The following LRMDA variants were observed in gnomAD, a reference collection of about 807,000 sequenced individuals.
LRMDA encodes leucine rich melanocyte differentiation associated, also known as leucine-rich melanocyte differentiation-associated protein.
Under a neutral mutation model 29.8 loss-of-function variants are expected in LRMDA, and 18 were observed. The observed-to-expected ratio is 0.60, with a 90% confidence interval of 0.42 to 0.90. The LOEUF (loss-of-function observed/expected upper bound fraction) is 0.90. Ranked by LOEUF, LRMDA falls within the 40% of genes least tolerant of loss-of-function variation. The pLI is 0.00. For synonymous variants in LRMDA, 125 were observed against 109.4 expected, an observed-to-expected ratio of 1.14 and a Z score of -0.89; for missense variants, 273 against 273.9, an observed-to-expected ratio of 1.00 and a Z score of 0.02.
intron 5 of LRMDA, among the ~76,000 whole-genome samples, chr10:76,216,566 A>G (rs1169941811): frequency 2.6e-5 from 4 of 151,974 alleles, no homozygotes; most frequent in African/African-American, 9.7e-5. Context: ...TTGTGAAGAG[A>G]TATTCCCAAC....
chr10:75,478,371 G>A (rs1216027017), intron 2 of LRMDA, among the ~76,000 whole-genome samples: 7 of 152,162 alleles, frequency 4.6e-5, no homozygotes, highest in Non-Finnish European at 1.0e-4. Context: ...GAAGACCCAA[G>A]TAGGCCATAT....
At chr10:75,888,031 G>C (rs911425453) in intron 2 of LRMDA, among the ~76,000 whole-genome samples, 2 of 152,166 alleles carry the variant, frequency 1.3e-5, no homozygotes, top group Admixed American at 6.5e-5. Context: ...CTATGTAAGA[G>C]CTCTTTAAAA....
intron 2 of LRMDA, among the ~76,000 whole-genome samples, chr10:75,601,087 C>A (rs186486548): frequency 1.1e-4 from 16 of 152,276 alleles, no homozygotes; most frequent in Admixed American, 9.2e-4. Context: ...TATTGAATGA[C>A]CTTTTGAGGA....
intron 2 of LRMDA, among the ~76,000 whole-genome samples, chr10:75,813,193 A>G (rs917690437): frequency 6.6e-6 from 1 of 152,204 alleles, no homozygotes; most frequent in African/African-American, 2.4e-5. Flanking sequence ...TGATCCAGAG[A>G]GAAGGTCTGC....
intron 2 of LRMDA, among the ~76,000 whole-genome samples, chr10:75,578,236 A>AAAAAAAAAAAAAAC (rs1840535737): frequency 6.7e-6 from 1 of 148,386 alleles, no homozygotes; most frequent in Non-Finnish European, 1.5e-5. Context: ...AAAAAAAAAA[A>AAAAAAAAAAAAAAC]AAAGCAGCAG....
intron 6 of LRMDA, among the ~76,000 whole-genome samples, chr10:76,408,687 T>C (rs780879548): frequency 6.6e-6 from 1 of 152,172 alleles, no homozygotes; most frequent in Non-Finnish European, 1.5e-5. Flanking sequence ...CTTTTTCATT[T>C]TCCCTTTTGT....
At chr10:76,520,398 C>G (rs1205277514) in intron 6 of LRMDA, among the ~76,000 whole-genome samples, 2 of 151,844 alleles carry the variant, frequency 1.3e-5, no homozygotes, top group Non-Finnish European at 2.9e-5. Context: ...TTAAAAATTA[C>G]AAACATTATC....
At chr10:75,432,873 G>A (rs1415629060) in intron 1 of LRMDA, among the ~76,000 whole-genome samples, 3 of 152,146 alleles carry the variant, frequency 2.0e-5, no homozygotes, top group African/African-American at 7.2e-5. Flanking sequence ...CCTACTGTAT[G>A]CCAGGCACCA....
chr10:76,308,848 G>T (rs542659095), intron 5 of LRMDA, among the ~76,000 whole-genome samples: 1 of 152,208 alleles, frequency 6.6e-6, no homozygotes, highest in Non-Finnish European at 1.5e-5. Flanking sequence ...GAAAGTCAGT[G>T]TGCGGCTTCT....
chr10:75,807,550 AACTTTT>A (rs1205591960), intron 2 of LRMDA, among the ~76,000 whole-genome samples: 2 of 152,198 alleles, frequency 1.3e-5, no homozygotes, highest in African/African-American at 2.4e-5. Flanking sequence ...ACATTCGACA[AACTTTT>A]ACTTTAAAGG....
chr10:76,144,483 G>A (rs1850271532), intron 5 of LRMDA, among the ~76,000 whole-genome samples: 1 of 151,916 alleles, frequency 6.6e-6, no homozygotes, highest in Non-Finnish European at 1.5e-5. Flanking sequence ...TCATGATTTG[G>A]CTCTCTGTTT....
At chr10:75,889,916 A>G (rs1845455167) in intron 2 of LRMDA, among the ~76,000 whole-genome samples, 1 of 152,246 alleles carries the variant, frequency 6.6e-6, no homozygotes, top group African/African-American at 2.4e-5. Flanking sequence ...TCAAAGAAGA[A>G]TAAGACTCTA....
Position 76,290,514 on chromosome 10 carries a change from C to G in LRMDA, c.517-33887C>G, listed in dbSNP as rs868040241. ...TTCAGCTCATTGTAACCTCTGCCTCCTGGGTTCAGGGGATTCTTGTGCCTC... is the reference window on the plus strand; with the variant it reads ...TTCAGCTCATTGTAACCTCTGCCTCGTGGGTTCAGGGGATTCTTGTGCCTC... On this transcript the variant is annotated intron_variant, in intron 5 of 6. Transcript: ENST00000611255. Among the ~76,000 whole-genome samples the G allele has an allele frequency of 2.2e-4, 32 of 148,276 alleles. 1 individual carries two copies. Among genetic ancestry groups the G allele is most frequent in the Middle Eastern group, 3.7e-3 (1 of 270 alleles).
intron 6 of LRMDA, among the ~76,000 whole-genome samples, chr10:76,346,816 C>G (rs11001741): frequency 1.3e-5 from 2 of 152,074 alleles, no homozygotes; most frequent in Non-Finnish European, 2.9e-5. Context: ...CTCCATGAGA[C>G]GCAAAACCAG....
rs1264869700 is a variant in LRMDA at position 75,828,409 on chromosome 10, G to T, written c.132-207599G>T. Among the ~76,000 whole-genome samples, 4 of 152,086 alleles carry T rather than the reference G, an allele frequency of 2.6e-5. No individual in the cohort carries two copies. The East Asian group carries it at 7.7e-4, about 29-fold the overall frequency. ...TTGTCTGCCAAAACTAGGAGGAAAA[G>T]AAAATATTAACAACCCTGAAAGCTC... On this transcript the variant is annotated intron_variant, in intron 2 of 6. Coordinates refer to ENST00000611255, the MANE Select transcript of LRMDA (RefSeq NM_001305581.2).
rs371953514 is a variant in LRMDA, at chr10:75,757,678, C to A, written c.132-278330C>A. Among the ~76,000 whole-genome samples the A allele has an allele frequency of 2.0e-5, 3 of 152,070 alleles. No homozygotes were observed. In the East Asian group the frequency reaches 5.8e-4, roughly 29 times the overall value. Reference sequence around the variant, plus strand: ...CTGAGTTAAGATGGTATGTACGGTACTTAGAACAGTGACTGAGACACAATA... The same window carrying A: ...CTGAGTTAAGATGGTATGTACGGTAATTAGAACAGTGACTGAGACACAATA... On this transcript the variant is annotated intron_variant, in intron 2 of 6. Transcript: ENST00000611255.
intron 5 of LRMDA, among the ~76,000 whole-genome samples, chr10:76,260,088 A>C (rs2132307524): frequency 6.6e-6 from 1 of 152,134 alleles, no homozygotes; most frequent in Middle Eastern, 3.4e-3. Context: ...CAAGGTTATT[A>C]CTGATAGGTG....
intron 2 of LRMDA, among the ~76,000 whole-genome samples, chr10:75,558,688 C>A (rs1314324184): frequency 3.4e-5 from 5 of 149,230 alleles, no homozygotes; most frequent in African/African-American, 4.9e-5. Flanking sequence ...CCACTCCCCC[C>A]ACCCCACAAC....
intron 4 of LRMDA, among the ~76,000 whole-genome samples, chr10:76,055,114 CAAAG>C (rs921919643): frequency 2.3e-5 from 2 of 85,892 alleles, no homozygotes; most frequent in African/African-American, 9.0e-5. Flanking sequence ...AAGAAAGAAA[CAAAG>C]AAAGGAAAGA....
Sources: gnomAD v4.1 joint callset for allele counts (sites outside exome capture counted in the v4.1 genomes callset) on GRCh38, gnomAD v4.1.1 for gene constraint, MANE v1.5 for transcripts, NCBI Gene and HGNC (gene_info 2026-07-23, HGNC 2026-07-21) for gene names.